The following TRIQK variants were observed in gnomAD, a reference collection of about 807,000 sequenced individuals.
TRIQK encodes triple QxxK/R motif-containing protein.
In TRIQK, 10 loss-of-function variants were observed where a neutral mutation model predicts 10.8. The observed-to-expected ratio is 0.92, with a 90% CI of 0.57 to 1.57. The LOEUF is 1.57. Ranked by LOEUF, TRIQK falls within the 40% of genes most tolerant of loss-of-function variation. TRIQK has a pLI of 0.00. For synonymous variants in TRIQK, 33 were observed against 33.7 expected, an observed-to-expected ratio of 0.98 and a Z score of 0.07; for missense variants, 107 against 97.7, an observed-to-expected ratio of 1.09 and a Z score of -0.40.
At chr8:92,930,157 C>G (rs973891115) in intron 2 of TRIQK, among the ~76,000 whole-genome samples, 2 of 151,630 alleles carry the variant, frequency 1.3e-5, no homozygotes, top group African/African-American at 4.8e-5. Flanking sequence ...GCGGGCAGAT[C>G]ACCAGAGGTC....
At chr8:92,978,774 G>C (rs969299368) in intron 1 of TRIQK, among the ~76,000 whole-genome samples, 1 of 152,012 alleles carries the variant, frequency 6.6e-6, no homozygotes, top group African/African-American at 2.4e-5. Context: ...TTATATTAAG[G>C]TTTCCAACTC....
At chr8:92,910,222 G>A (rs1371297830) in intron 3 of TRIQK, among the ~76,000 whole-genome samples, 13 of 151,280 alleles carry the variant, frequency 8.6e-5, no homozygotes, top group Non-Finnish European at 1.5e-4. Flanking sequence ...ATATGTGAAA[G>A]ATAGGAGAAA....
At chr8:92,956,165 G>A (rs1234058269) in intron 1 of TRIQK, among the ~76,000 whole-genome samples, 27 of 151,802 alleles carry the variant, frequency 1.8e-4, no homozygotes. Flanking sequence ...TGATGAACAG[G>A]TATATAAATG....
At chr8:92,996,177 T>A (rs2130753426) in intron 1 of TRIQK, among the ~76,000 whole-genome samples, 1 of 152,176 alleles carries the variant, frequency 6.6e-6, no homozygotes, top group South Asian at 2.1e-4. Flanking sequence ...ATCTAAACTC[T>A]TTTTTGTGGT....
chr8:92,919,599 C>CT (rs1182226534), intron 2 of TRIQK, among the ~76,000 whole-genome samples: 5 of 151,330 alleles, frequency 3.3e-5, no homozygotes, highest in Admixed American at 6.6e-5. Context: ...TGTAGTATTC[C>CT]TTTTTTTTAT....
intron 1 of TRIQK, among the ~76,000 whole-genome samples, chr8:92,976,142 A>C (rs912594281): frequency 6.6e-6 from 1 of 151,968 alleles, no homozygotes; most frequent in Admixed American, 6.6e-5. Context: ...TTACTTCAAT[A>C]GCATTCTATA....
intron 1 of TRIQK, among the ~76,000 whole-genome samples, chr8:92,987,464 G>C (rs989294008): frequency 6.6e-6 from 1 of 152,162 alleles, no homozygotes; most frequent in Non-Finnish European, 1.5e-5. Context: ...ATGTCATTTG[G>C]TTTTACATGA....
chr8:92,946,375 A>G (rs2130635516), intron 2 of TRIQK, among the ~76,000 whole-genome samples: 1 of 152,340 alleles, frequency 6.6e-6, no homozygotes, highest in South Asian at 2.1e-4. Context: ...AAGCTTGGTT[A>G]TAAATATCAA....
chr8:92,949,981 C>G (rs183615603), intron 2 of TRIQK, among the ~76,000 whole-genome samples: 1 of 152,056 alleles, frequency 6.6e-6, no homozygotes, highest in Non-Finnish European at 1.5e-5. Context: ...TATAAGAATG[C>G]TCTCAGAATA....
intron 1 of TRIQK, among the ~76,000 whole-genome samples, chr8:92,999,811 CT>C (rs1813190101): frequency 6.6e-6 from 1 of 151,968 alleles, no homozygotes; most frequent in South Asian, 2.1e-4. Context: ...ATTTTTTCTC[CT>C]TTTCCATTGG....
rs1332575991 is a variant in TRIQK at position 92,886,651 on chromosome 8, C to T, written c.232G>A (p.Asp78Asn). 2 of 1,529,128 alleles carry T rather than the reference C, an allele frequency of 1.3e-6. No individual in the cohort carries two copies. The highest frequency in any genetic ancestry group is 1.8e-6 in the Non-Finnish European group (2 of 1,141,728). The allele number at this position is 1,529,128 out of a possible 1,614,324, so 94.7% of individuals were successfully genotyped here. A position where few individuals can be genotyped will look rare whatever the true frequency, so the allele number is the denominator to read the frequency against. ...TCTTCATCTTGGTCCAGATCAGGGT[C>T]AACATCCGTGGTGAGTCTGAGATAA... ...FFYLRLTTDVDPDLDQDED is the reference protein window; with the variant it reads ...FFYLRLTTDVNPDLDQDED Residue 78 changes from aspartate to asparagine, a missense_variant, in exon 5 of 5, where the codon GAC becomes AAC. Coordinates refer to ENST00000521988, the MANE Select transcript of TRIQK (RefSeq NM_001171797.2).
At position 92,979,592 on chromosome 8, in the gene TRIQK, C is replaced by T. The variant is rs1812966196; in HGVS notation, c.-180-25028G>A. ...AATGGTTTTTTGTAATAACAATTGT[C>T]CTTATTCTTGAACTTACTTTTTTTA... On this transcript the variant is annotated intron_variant, in intron 1 of 4. Transcript: ENST00000520686. 5.9e-5 allele frequency among the ~76,000 whole-genome samples: 9 copies of T among 152,078 alleles called. No individual in the cohort carries two copies. The South Asian group carries it at 1.9e-3, about 32-fold the overall frequency.
At chr8:92,966,980 C>CAAAAAAAAAAAAAAAAAAAAAAA, upstream of TRIQK, among the ~76,000 whole-genome samples, 4 of 68,850 alleles carry the variant, frequency 5.8e-5, no homozygotes, top group African/African-American at 6.1e-5. Flanking sequence ...AAGTAGCATA[C>CAAAAAAAAAAAAAAAAAAAAAAA]AAAAAAAAAA....
chr8:92,943,877 C>T (rs1811391438), intron 2 of TRIQK, among the ~76,000 whole-genome samples: 1 of 151,760 alleles, frequency 6.6e-6, no homozygotes, highest in African/African-American at 2.4e-5. Context: ...GAGGAAAAAG[C>T]AGAGGAAACA....
At chr8:92,941,704 T>TA (rs1216201390) in intron 2 of TRIQK, among the ~76,000 whole-genome samples, 2 of 151,990 alleles carry the variant, frequency 1.3e-5, no homozygotes, top group East Asian at 3.9e-4. Flanking sequence ...ACTACATTTT[T>TA]AAAAAAGAGA....
chr8:92,924,445 T>C (rs1486346687), intron 2 of TRIQK, among the ~76,000 whole-genome samples: 1 of 152,048 alleles, frequency 6.6e-6, no homozygotes, highest in Non-Finnish European at 1.5e-5. Context: ...TTTGACAAGC[T>C]CATTCGTGTT....
intron 1 of TRIQK, among the ~76,000 whole-genome samples, chr8:92,997,538 A>T (rs1813164895): frequency 6.6e-6 from 1 of 152,100 alleles, no homozygotes; most frequent in African/African-American, 2.4e-5. Context: ...CTGTCCTTAC[A>T]TAGTCAGCAA....
Position 92,883,797 on chromosome 8 carries a change from T to C in TRIQK, c.*2825A>G, listed in dbSNP as rs1816330227. On this transcript the variant is annotated 3_prime_UTR_variant, in exon 5 of 5. Coordinates refer to ENST00000521988, the MANE Select transcript of TRIQK (RefSeq NM_001171797.2). ...ATTAAAAAGATAGAAAATCTTGAAG[T>C]ATTTTGCTACCTTAAAACAACTACC... 6.6e-6 allele frequency: 1 copy of C among 151,776 alleles called. No individual in the cohort carries two copies. 9.4% of individuals were successfully genotyped at this position (151,776 alleles called of 1,614,324 possible).
intron 3 of TRIQK, among the ~76,000 whole-genome samples, chr8:92,907,979 G>A (rs1319178161): frequency 6.6e-6 from 1 of 151,942 alleles, no homozygotes; most frequent in Non-Finnish European, 1.5e-5. Context: ...TCATTTATAT[G>A]TTCTAAAAAG....
Sources: allele counts gnomAD v4.1 joint callset (sites outside exome capture counted in the v4.1 genomes callset), GRCh38; gene constraint gnomAD v4.1.1; transcripts MANE v1.5; gene names NCBI Gene and HGNC (gene_info 2026-07-23, HGNC 2026-07-21).